LMO7: variants seen among roughly 807,000 people sequenced by gnomAD.
LMO7 encodes LIM domain only protein 7.
In LMO7, 120 loss-of-function variants were observed where a neutral mutation model predicts 206.5. The observed-to-expected ratio is 0.58, with a 90% confidence interval of 0.50 to 0.68. LMO7 has a LOEUF of 0.68. Among genes scored for constraint, LMO7 ranks in the 30% least tolerant of loss-of-function variants. The pLI is 0.00. For missense variants in LMO7, 1,959 were observed against 1,957.9 expected, an observed-to-expected ratio of 1.00 and a Z score of -0.01; for synonymous variants, 706 against 681.5, an observed-to-expected ratio of 1.04 and a Z score of -0.56.
intron 1 of LMO7, among the ~76,000 whole-genome samples, chr13:75,693,494 G>A (rs2041654494): frequency 6.6e-6 from 1 of 152,108 alleles, no homozygotes; most frequent in South Asian, 2.1e-4. Context: ...ATGTGGCACT[G>A]GGAGCCCTCC....
chr13:75,720,271 A>G (rs1223505882), intron 2 of LMO7, among the ~76,000 whole-genome samples: 2 of 152,128 alleles, frequency 1.3e-5, no homozygotes, highest in African/African-American at 4.8e-5. Flanking sequence ...ATTTTCTCTC[A>G]GTCTGTGGCT....
intron 3 of LMO7, among the ~76,000 whole-genome samples, chr13:75,736,009 A>G (rs1395514157): frequency 6.6e-6 from 1 of 152,152 alleles, no homozygotes. Flanking sequence ...GCATATTTGG[A>G]ATGCTCGAAT....
At chr13:75,771,108 C>T (rs983675143) in intron 4 of LMO7, among the ~76,000 whole-genome samples, 1 of 151,994 alleles carries the variant, frequency 6.6e-6, no homozygotes, top group East Asian at 1.9e-4. Context: ...TGATATGTGG[C>T]AAATATCTTC....
intron 1 of LMO7, among the ~76,000 whole-genome samples, chr13:75,709,516 T>A (rs1486720326): frequency 1.3e-5 from 2 of 152,124 alleles, no homozygotes; most frequent in Admixed American, 1.3e-4. Context: ...GGTATCTCAT[T>A]GTGGTTTTGA....
intron 11 of LMO7, among the ~76,000 whole-genome samples, chr13:75,809,653 G>A (rs944172656): frequency 6.6e-6 from 1 of 152,058 alleles, no homozygotes; most frequent in African/African-American, 2.4e-5. Context: ...CCAACTGGGA[G>A]CTTCGTTAGT....
At chr13:75,721,429 C>T (rs996717552) in intron 2 of LMO7, among the ~76,000 whole-genome samples, 4 of 152,210 alleles carry the variant, frequency 2.6e-5, no homozygotes, top group South Asian at 2.1e-4. Flanking sequence ...GTAGCTGGAC[C>T]GTCTGATTGC....
intron 2 of LMO7, among the ~76,000 whole-genome samples, chr13:75,624,981 T>C (rs968382841): frequency 2.6e-5 from 4 of 152,180 alleles, no homozygotes; most frequent in Non-Finnish European, 4.4e-5. Flanking sequence ...TAGCACAATA[T>C]AGGATGGTGG....
intron 4 of LMO7, among the ~76,000 whole-genome samples, chr13:75,774,879 A>G (rs2050176263): frequency 6.6e-6 from 1 of 152,008 alleles, no homozygotes; most frequent in Admixed American, 6.6e-5. Context: ...TTTTTCTTTT[A>G]TGATCCATAC....
chr13:75,733,159 T>C (rs1379488162), intron 3 of LMO7, among the ~76,000 whole-genome samples: 2 of 152,226 alleles, frequency 1.3e-5, no homozygotes, highest in African/African-American at 4.8e-5. Context: ...TTCAAAGCTG[T>C]CAGACAGGGA....
intron 1 of LMO7, among the ~76,000 whole-genome samples, chr13:75,637,348 T>C (rs986943695): frequency 3.9e-5 from 6 of 152,146 alleles, no homozygotes; most frequent in African/African-American, 7.2e-5. Flanking sequence ...CTAGGATCAT[T>C]CGCTGAAGAG....
At chr13:75,850,515 T>C (rs1170773928) in intron 27 of LMO7, among the ~76,000 whole-genome samples, 1 of 152,190 alleles carries the variant, frequency 6.6e-6, no homozygotes, top group Non-Finnish European at 1.5e-5. Flanking sequence ...AGATACTCAG[T>C]AGTTATTCAA....
chr13:75,786,915 T>C (rs752695070), intron 4 of LMO7, among the ~76,000 whole-genome samples: 10 of 152,232 alleles, frequency 6.6e-5, no homozygotes, highest in Non-Finnish European at 1.3e-4. Flanking sequence ...CCTAGCATTA[T>C]CACCTTTTAA....
intron 3 of LMO7, among the ~76,000 whole-genome samples, chr13:75,737,825 G>T (rs1406174962): frequency 4.3e-5 from 1 of 22,992 alleles, no homozygotes; most frequent in African/African-American, 2.0e-4. Context: ...AATAAATATA[G>T]ATTCACAGGA....
chr13:75,740,189 G>A (rs748711275), intron 3 of LMO7, among the ~76,000 whole-genome samples: 13 of 152,170 alleles, frequency 8.5e-5, no homozygotes, highest in Non-Finnish European at 1.9e-4. Flanking sequence ...TGATACAGAG[G>A]GTTGCTCTGT....
intron 1 of LMO7, among the ~76,000 whole-genome samples, chr13:75,685,119 G>T (rs9544025): frequency 0.41 from 62,466 of 151,944 alleles, 14,018 homozygotes; most frequent in Middle Eastern, 0.53. Flanking sequence ...TATCATCTAG[G>T]TGATTTTCCC....
intron 1 of LMO7, among the ~76,000 whole-genome samples, chr13:75,688,053 G>A (rs902111818): frequency 3.3e-5 from 5 of 152,158 alleles, no homozygotes; most frequent in East Asian, 1.9e-4. Flanking sequence ...CTGCCGCCAC[G>A]TAAGATGTGC....
At chr13:75,629,422 A>G (rs1281353895) in intron 2 of LMO7, among the ~76,000 whole-genome samples, 1 of 152,206 alleles carries the variant, frequency 6.6e-6, no homozygotes, top group African/African-American at 2.4e-5. Context: ...GATTGCATAA[A>G]GAAGATATGC....
intron 3 of LMO7, among the ~76,000 whole-genome samples, chr13:75,756,049 C>T (rs1290189164): frequency 2.0e-5 from 3 of 152,270 alleles, no homozygotes; most frequent in African/African-American, 7.2e-5. Context: ...AAATTCAGAG[C>T]ATTTGCAGGA....
chr13:75,740,821 C>T (rs1156545515), intron 3 of LMO7, among the ~76,000 whole-genome samples: 1 of 152,204 alleles, frequency 6.6e-6, no homozygotes, highest in Non-Finnish European at 1.5e-5. Context: ...AGGGGCAACA[C>T]TGAAGTCCCC....
Sources: gnomAD v4.1 joint callset for allele counts (sites outside exome capture counted in the v4.1 genomes callset) on GRCh38, gnomAD v4.1.1 for gene constraint, MANE v1.5 for transcripts, NCBI Gene and HGNC (gene_info 2026-07-23, HGNC 2026-07-21) for gene names.